CD96: variants seen among roughly 807,000 people sequenced by gnomAD.
The protein encoded by CD96 is CD96 molecule.
A neutral mutation model predicts 71.3 loss-of-function variants in CD96; 70 were observed. The observed-to-expected ratio is 0.98, with a 90% CI of 0.81 to 1.20. The LOEUF is 1.20. CD96 is among the 50% of genes most tolerant of loss of function. CD96 has a pLI of 0.00. For synonymous variants in CD96, 248 were observed against 233.0 expected, an observed-to-expected ratio of 1.06 and a Z score of -0.59; for missense variants, 742 against 677.5, an observed-to-expected ratio of 1.10 and a Z score of -1.06.
chr3:111,585,688 C>T (rs2107603731), intron 5 of CD96, among the ~76,000 whole-genome samples: 1 of 152,268 alleles, frequency 6.6e-6, no homozygotes, highest in South Asian at 2.1e-4. Flanking sequence ...CAAAGTAGGG[C>T]AGAAAGCAGT....
chr3:111,550,705 C>T (rs907711863), intron 2 of CD96, among the ~76,000 whole-genome samples: 1 of 152,034 alleles, frequency 6.6e-6, no homozygotes, highest in Non-Finnish European at 1.5e-5. Context: ...ACAAAACCAT[C>T]TTCAGCTAGA....
At chr3:111,646,484 T>G (rs1049641073) in intron 12 of CD96, among the ~76,000 whole-genome samples, 1 of 150,804 alleles carries the variant, frequency 6.6e-6, no homozygotes, top group Non-Finnish European at 1.5e-5. Context: ...GAAATGCAAA[T>G]TAAAACCACG....
At chr3:111,564,135 A>G (rs1300999837) in intron 2 of CD96, among the ~76,000 whole-genome samples, 1 of 151,926 alleles carries the variant, frequency 6.6e-6, no homozygotes, top group Non-Finnish European at 1.5e-5. Flanking sequence ...CTATTTTCCT[A>G]TTTTGCAGTA....
At chr3:111,638,222 A>G (rs1939431074) in intron 12 of CD96, 54 bp downstream of exon 12, 2 of 1,083,274 alleles carry the variant, frequency 1.8e-6, no homozygotes, top group Non-Finnish European at 2.9e-6. Flanking sequence ...CTCAATAAAT[A>G]TTTATCAAGT....
At chr3:111,553,278 T>C (rs562165995) in intron 2 of CD96, among the ~76,000 whole-genome samples, 39 of 151,994 alleles carry the variant, frequency 2.6e-4, no homozygotes, top group Non-Finnish European at 4.6e-4. Flanking sequence ...TCCTTTGCGA[T>C]ATATTTGTTG....
Position 111,600,728 on chromosome 3 carries a change from A to G in CD96, c.901A>G (p.Ile301Val). 6.2e-7 allele frequency: 1 copy of G among 1,607,052 alleles called. No individual in the cohort carries two copies. Among genetic ancestry groups the G allele is most frequent in the Non-Finnish European group, 8.5e-7 (1 of 1,173,630 alleles). ...GSFLHDEKEG[I>V]YITNEERKGK... Reference sequence around the variant, plus strand: ...CCATGTTCGTATCTGTCTGGCAGGAATATATATTACTAATGAAGAGAGAAA... The same window carrying G: ...CCATGTTCGTATCTGTCTGGCAGGAGTATATATTACTAATGAAGAGAGAAA... The change falls in exon 7 of 14, where the codon ATA becomes GTA. Residue 301 changes from isoleucine (I) to valine (V), a missense_variant and splice_region_variant. By Grantham distance (29) the Ile-to-Val change is conservative (BLOSUM62 3). Coordinates refer to ENST00000352690, the MANE Select transcript of CD96 (RefSeq NM_005816.5).
chr3:111,661,417 G>T (rs558189330), intron 14 of CD96, among the ~76,000 whole-genome samples: 3 of 152,158 alleles, frequency 2.0e-5, no homozygotes, highest in African/African-American at 7.2e-5. Flanking sequence ...GTCCCCAAAA[G>T]TCTTAACTCA....
At chr3:111,562,283 C>G (rs1460445977) in intron 2 of CD96, among the ~76,000 whole-genome samples, 1 of 152,218 alleles carries the variant, frequency 6.6e-6, no homozygotes, top group East Asian at 1.9e-4. Context: ...TGGGTCCACC[C>G]AGATTCAGCT....
intron 8 of CD96, among the ~76,000 whole-genome samples, chr3:111,611,582 A>G (rs759913251): frequency 6.6e-6 from 1 of 152,096 alleles, no homozygotes; most frequent in Non-Finnish European, 1.5e-5. Context: ...AGGTGCCTCA[A>G]TTGCTGTCCA....
chr3:111,616,403 C>A (rs915645458), intron 8 of CD96, among the ~76,000 whole-genome samples: 1 of 151,786 alleles, frequency 6.6e-6, no homozygotes, highest in African/African-American at 2.4e-5. Flanking sequence ...GTCTGGGTAG[C>A]CTTATGACAG....
chr3:111,542,297 C>T lies in CD96; in HGVS notation c.49C>T (p.His17Tyr). 6.2e-7 allele frequency: 1 copy of T among 1,613,748 alleles called. No homozygotes were observed. Among genetic ancestry groups the T allele is most frequent in the Non-Finnish European group, 8.5e-7 (1 of 1,179,624 alleles). ...YCAVYYIIQI[H>Y]FVKGVWEKTV... is the part of the protein sequence containing the mutation. ...TGCTGTCTATTACATCATCCAGATA[C>T]ATTTTGTCAAGGGTAAGACTTCCAG... The change falls in exon 1 of 14, where the codon CAT (histidine) becomes TAT (tyrosine). Residue 17 changes from histidine to tyrosine, a missense_variant. By Grantham distance (83) the His-to-Tyr change is moderately conservative (BLOSUM62 2). Coordinates refer to ENST00000352690, the MANE Select transcript of CD96 (RefSeq NM_005816.5).
chr3:111,546,897 C>CACACACACACACAT (rs1445817133), intron 2 of CD96, among the ~76,000 whole-genome samples: 17 of 128,826 alleles, frequency 1.3e-4, no homozygotes, highest in Admixed American at 6.3e-4. Flanking sequence ...AAACACACCA[C>CACACACACACACAT]ACACACACAC....
chr3:111,626,807 G>A (rs1311886793), intron 10 of CD96, among the ~76,000 whole-genome samples: 2 of 152,174 alleles, frequency 1.3e-5, no homozygotes, highest in African/African-American at 2.4e-5. Context: ...ATAACATTAT[G>A]TTGAATTAAA....
chr3:111,563,333 G>T (rs1364095734), intron 2 of CD96, among the ~76,000 whole-genome samples: 1 of 152,192 alleles, frequency 6.6e-6, no homozygotes, highest in South Asian at 2.1e-4. Flanking sequence ...TATGGGAAAA[G>T]GTGAAAGGTT....
At chr3:111,556,474 G>A (rs1416407318) in intron 2 of CD96, among the ~76,000 whole-genome samples, 2 of 116,766 alleles carry the variant, frequency 1.7e-5, no homozygotes, top group African/African-American at 3.5e-5. Flanking sequence ...TTGTTCTTGC[G>A]ATAGTTTACT....
chr3:111,614,743 T>C (rs1318975635), intron 8 of CD96, among the ~76,000 whole-genome samples: 1 of 152,168 alleles, frequency 6.6e-6, no homozygotes, highest in Non-Finnish European at 1.5e-5. Flanking sequence ...TCAGAGCCAC[T>C]AACCAACCAT....
At chr3:111,564,381 T>A (rs1233530197) in intron 2 of CD96, among the ~76,000 whole-genome samples, 1 of 152,036 alleles carries the variant, frequency 6.6e-6, no homozygotes, top group Non-Finnish European at 1.5e-5. Flanking sequence ...CTCATTCTAT[T>A]TTGAAAATGA....
At chr3:111,647,898 C>T (rs1167838884) in intron 13 of CD96, among the ~76,000 whole-genome samples, 5 of 152,102 alleles carry the variant, frequency 3.3e-5, no homozygotes, top group Non-Finnish European at 5.9e-5. Context: ...CTGTAACATT[C>T]GTCAGATAGA....
rs556889252 is a variant in CD96, at chr3:111,663,972, G to A, written c.*53-1555G>A. Among the ~76,000 whole-genome samples, 9 of 152,140 alleles carry A rather than the reference G, an allele frequency of 5.9e-5. No individual in the cohort carries two copies. The South Asian group carries it at 1.7e-3, about 28-fold the overall frequency. ...TCACCATGTTAGCCAGGATGCTCTC[G>A]ATCTCCTGACCTCGTGATCTTCCTG... On this transcript the variant is annotated intron_variant and NMD_transcript_variant, in intron 14 of 14. Coordinates refer to the CD96 transcript ENST00000494798.
Sources: gnomAD v4.1 joint callset for allele counts (sites outside exome capture counted in the v4.1 genomes callset) on GRCh38, gnomAD v4.1.1 for gene constraint, MANE v1.5 for transcripts, NCBI Gene and HGNC (gene_info 2026-07-23, HGNC 2026-07-21) for gene names.